HIVEP3: variants seen among roughly 807,000 people sequenced by gnomAD.
HIVEP3 encodes transcription factor HIVEP3.
Under a neutral mutation model 152.8 loss-of-function variants are expected in HIVEP3, and 49 were observed. That is an observed-to-expected ratio of 0.32 (90% CI 0.26 to 0.41). The LOEUF is 0.41. Among genes scored for constraint, HIVEP3 ranks in the 10% least tolerant of loss-of-function variants. HIVEP3 has a pLI of 1.00. For synonymous variants in HIVEP3, 1,269 were observed against 1,289.0 expected (o/e 0.98, Z 0.33); for missense variants, 2,790 against 3,103.3 (o/e 0.90, Z 2.40).
rs372121297 is a variant in HIVEP3, at chr1:41,727,018, C to A, written c.-800-26023G>T. ...TTCTACAGGCTTTGGTGTCTCAGCG[C>A]GGGAGGCACAGATGGCGAGGTCTGC... On this transcript the variant is annotated intron_variant, in intron 1 of 8. Transcript: ENST00000372583. 2.6e-5 allele frequency among the ~76,000 whole-genome samples: 4 copies of A among 152,134 alleles called. No individual in the cohort carries two copies. In the South Asian group the frequency reaches 8.3e-4, roughly 31 times the overall value.
chr1:41,959,353 C>T (rs1342898450), intron 1 of HIVEP3, among the ~76,000 whole-genome samples: 1 of 152,168 alleles, frequency 6.6e-6, no homozygotes, highest in East Asian at 1.9e-4. Context: ...AGGTCTCAGC[C>T]ACCACTACTA....
At chr1:41,594,664 A>G (rs1233010477) in intron 3 of HIVEP3, among the ~76,000 whole-genome samples, 2 of 152,156 alleles carry the variant, frequency 1.3e-5, no homozygotes, top group African/African-American at 4.8e-5. Flanking sequence ...GATCCTTTAC[A>G]TATAGGTTGC....
At chr1:41,825,188 T>G (rs1642762336) in intron 1 of HIVEP3, among the ~76,000 whole-genome samples, 1 of 151,964 alleles carries the variant, frequency 6.6e-6, no homozygotes, top group African/African-American at 2.4e-5. Context: ...ACGAGCAATT[T>G]TTGCGGGTAG....
At chr1:41,544,675 CCACCTCTACCACCACTGCTACCAT>C (rs1558045508) in intron 5 of HIVEP3, among the ~76,000 whole-genome samples, 1 of 135,962 alleles carries the variant, frequency 7.4e-6, no homozygotes, top group African/African-American at 2.8e-5. Flanking sequence ...ACCACCACCA[CCACCTCTACCACCACTGCTACCAT>C]CACCACCACC....
chr1:41,745,090 T>C (rs1647052437), intron 1 of HIVEP3, among the ~76,000 whole-genome samples: 1 of 152,224 alleles, frequency 6.6e-6, no homozygotes, highest in African/African-American at 2.4e-5. Context: ...AGATGGTTCC[T>C]TTCCCTCAGT....
intron 1 of HIVEP3, among the ~76,000 whole-genome samples, chr1:42,027,923 G>A (rs1645591787): frequency 6.6e-6 from 1 of 152,116 alleles, no homozygotes; most frequent in South Asian, 2.1e-4. Flanking sequence ...ACAACATGTG[G>A]GAATTCTGGG....
chr1:41,994,176 GA>G (rs1304377673), intron 1 of HIVEP3, among the ~76,000 whole-genome samples: 2 of 137,698 alleles, frequency 1.5e-5, no homozygotes, highest in Admixed American at 7.3e-5. Context: ...TAAAAATAAA[GA>G]AAAAAAATCC....
chr1:41,739,740 G>A (rs1646970118), intron 1 of HIVEP3, among the ~76,000 whole-genome samples: 1 of 152,202 alleles, frequency 6.6e-6, no homozygotes, highest in African/African-American at 2.4e-5. Context: ...AGACAGGCAG[G>A]GTAATCATGC....
At chr1:41,568,584 T>C (rs975335568) in intron 5 of HIVEP3, among the ~76,000 whole-genome samples, 10 of 152,196 alleles carry the variant, frequency 6.6e-5, no homozygotes, top group Non-Finnish European at 1.5e-4. Context: ...CAGGTGACTG[T>C]AGGACACTGT....
intron 1 of HIVEP3, among the ~76,000 whole-genome samples, chr1:41,851,417 C>G (rs951047020): frequency 6.7e-6 from 1 of 149,366 alleles, no homozygotes; most frequent in Non-Finnish European, 1.5e-5. Context: ...ATTCTCCTGC[C>G]TCAGACTCCC....
intron 1 of HIVEP3, among the ~76,000 whole-genome samples, chr1:41,773,350 A>G (rs142750176): frequency 4.6e-5 from 7 of 152,230 alleles, no homozygotes; most frequent in African/African-American, 1.7e-4. Flanking sequence ...ATCTGCAGGA[A>G]TGTGAATAAA....
At position 41,580,971 on chromosome 1, in the gene HIVEP3, G is replaced by A. The variant is rs567503953; in HGVS notation, c.3827C>T (p.Ser1276Phe). ...APLATGSAGL[S>F]PSTEYSSDIR... ...GTCACTGCTGTACTCTGTGCTGGGGGAGAGGCCAGCACTTCCTGTTGCCAG... is the reference window on the plus strand; with the variant it reads ...GTCACTGCTGTACTCTGTGCTGGGGAAGAGGCCAGCACTTCCTGTTGCCAG... The change falls in exon 4 of 9, where the codon TCC (serine) becomes TTC (phenylalanine). Residue 1276 changes from serine to phenylalanine, a missense_variant. By Grantham distance (155) the Ser-to-Phe change is radical (BLOSUM62 -2). Coordinates refer to ENST00000372583, the MANE Select transcript of HIVEP3 (RefSeq NM_024503.5). 5.9e-5 allele frequency: 94 copies of A among 1,597,434 alleles called. No individual in the cohort carries two copies. The Middle Eastern group carries it at 1.5e-3, about 26-fold the overall frequency.
chr1:41,854,699 A>G (rs1456257104), intron 1 of HIVEP3, among the ~76,000 whole-genome samples: 1 of 76,188 alleles, frequency 1.3e-5, no homozygotes, highest in East Asian at 3.0e-4. Context: ...CACAGTCCCC[A>G]GAGTGTGATA....
intron 1 of HIVEP3, among the ~76,000 whole-genome samples, chr1:41,850,059 T>C (rs1044088503): frequency 1.3e-5 from 2 of 152,194 alleles, no homozygotes; most frequent in African/African-American, 4.8e-5. Context: ...TCAGAATCAT[T>C]TGTAGACTTT....
At chr1:41,525,439 A>C (rs918518879) in intron 5 of HIVEP3, among the ~76,000 whole-genome samples, 1 of 152,088 alleles carries the variant, frequency 6.6e-6, no homozygotes, top group African/African-American at 2.4e-5. Context: ...CTTGTCCAAG[A>C]TCCCATAGCC....
At chr1:41,774,683 C>T (rs972841663) in intron 1 of HIVEP3, among the ~76,000 whole-genome samples, 5 of 152,140 alleles carry the variant, frequency 3.3e-5, no homozygotes, top group African/African-American at 1.2e-4. Context: ...TTAAATAATA[C>T]ATTTTAGAGT....
rs747478470 is a variant in HIVEP3, at chr1:41,615,815, CTTTTTTTTTTTTTTTT to C, written c.-522+12918_-522+12933del. Among the ~76,000 whole-genome samples the C allele has an allele frequency of 5.7e-4, 27 of 46,992 alleles. 1 individual carries two copies. Among genetic ancestry groups the C allele is most frequent in the Admixed American group, 4.6e-3 (17 of 3,680 alleles). The allele number at this position is 46,992 out of a possible 152,430, so 30.8% of individuals were successfully genotyped here. On this transcript the variant is annotated intron_variant, in intron 3 of 8. Transcript: ENST00000372583. The stretch of plus-strand genomic sequence containing the variant: ...AGGGCTTCCACTGTATTTGACAAGT[CTTTTTTTTTTTTTTTT>C]TTTTTTTTTTTTTTAGCAGGGTGGT...
At chr1:41,543,352 G>A (rs1294073049) in intron 5 of HIVEP3, 12 of 152,216 alleles carry the variant, frequency 7.9e-5, no homozygotes, top group Admixed American at 7.9e-4. Context: ...ATGTGGTTCT[G>A]AAAAGCTTCC....
chr1:41,812,599 C>A (rs1311503480), intron 1 of HIVEP3, among the ~76,000 whole-genome samples: 3 of 152,088 alleles, frequency 2.0e-5, no homozygotes, highest in Admixed American at 6.6e-5. Context: ...TATTGTGTTC[C>A]CATCTGGACA....
Sources: allele counts gnomAD v4.1 joint callset (sites outside exome capture counted in the v4.1 genomes callset), GRCh38; gene constraint gnomAD v4.1.1; transcripts MANE v1.5; gene names NCBI Gene and HGNC (gene_info 2026-07-23, HGNC 2026-07-21).